Variants in BLOC1S5 observed in about 807,000 individuals in gnomAD.
The protein encoded by BLOC1S5 is biogenesis of lysosomal organelles complex 1 subunit 5.
A neutral mutation model predicts 24.3 loss-of-function variants in BLOC1S5; 27 were observed. That is an observed-to-expected ratio of 1.11 (90% confidence interval 0.82 to 1.53). The LOEUF (loss-of-function observed/expected upper bound fraction) is 1.53, where lower values mean the gene tolerates loss of function less well. BLOC1S5 is among the 40% of genes most tolerant of loss of function. The probability of loss-of-function intolerance (pLI) is 0.00; values close to 1 mark genes in which losing one functional copy is unlikely to be tolerated. For synonymous variants in BLOC1S5, 84 were observed against 74.5 expected (o/e 1.13, Z -0.66); for missense variants, 239 against 229.4 (o/e 1.04, Z -0.27).
chr6:8,026,058 A>G (rs951055317), intron 4 of BLOC1S5, among the ~76,000 whole-genome samples: 2 of 152,206 alleles, frequency 1.3e-5, no homozygotes, highest in African/African-American at 4.8e-5. Context: ...GGAAAGATTT[A>G]TATCTCCAAT....
At chr6:8,036,426 G>C (rs917238599) in intron 3 of BLOC1S5, among the ~76,000 whole-genome samples, 12 of 152,084 alleles carry the variant, frequency 7.9e-5, no homozygotes, top group Admixed American at 2.0e-4. Context: ...GGAAAACCTA[G>C]AAGAAATAAA....
chr6:8,062,017 T>G (rs759815202), intron 2 of BLOC1S5, among the ~76,000 whole-genome samples: 1 of 152,218 alleles, frequency 6.6e-6, no homozygotes, highest in Non-Finnish European at 1.5e-5. Context: ...AAACTGGATT[T>G]GACTTCGTTG....
chr6:8,042,958 G>A (rs192549294), intron 2 of BLOC1S5, among the ~76,000 whole-genome samples: 7 of 152,314 alleles, frequency 4.6e-5, no homozygotes, highest in Admixed American at 1.3e-4. Context: ...CATCCTGTGT[G>A]ACTCCACTGG....
intron 4 of BLOC1S5, among the ~76,000 whole-genome samples, chr6:8,020,229 AC>A (rs1403646644): frequency 2.8e-4 from 42 of 152,312 alleles, no homozygotes; most frequent in Admixed American, 2.6e-4. Context: ...AGACATGGAG[AC>A]CTACAACATC....
chr6:8,064,121 C>A, intron 1 of BLOC1S5, 144 bp downstream of exon 1: 1 of 599,464 alleles, frequency 1.7e-6, no homozygotes, highest in Non-Finnish European at 2.8e-6. Flanking sequence ...GGGAAAAAGG[C>A]GGGGACCGAC....
At chr6:8,016,507 A>T (rs545561488) in intron 4 of BLOC1S5, among the ~76,000 whole-genome samples, 10 of 152,320 alleles carry the variant, frequency 6.6e-5, no homozygotes, top group African/African-American at 2.4e-4. Flanking sequence ...AAAATGTCTT[A>T]CATAAAATAT....
intron 3 of BLOC1S5, among the ~76,000 whole-genome samples, chr6:8,029,597 C>T (rs1240199533): frequency 6.6e-6 from 1 of 152,208 alleles, no homozygotes; most frequent in African/African-American, 2.4e-5. Flanking sequence ...TGCTCTGTAA[C>T]TCAGCCAAAG....
chr6:8,031,437 A>G (rs941308000), intron 3 of BLOC1S5, among the ~76,000 whole-genome samples: 1 of 152,226 alleles, frequency 6.6e-6, no homozygotes. Flanking sequence ...GACCTCTACA[A>G]GGAAAACTAC....
intron 4 of BLOC1S5, among the ~76,000 whole-genome samples, chr6:8,021,216 A>G (rs1018552251): frequency 2.0e-5 from 3 of 152,220 alleles, no homozygotes; most frequent in Admixed American, 1.3e-4. Flanking sequence ...ATAGAGCTGG[A>G]AAGTAGAATG....
chr6:8,034,132 T>G (rs1264143808), intron 3 of BLOC1S5, among the ~76,000 whole-genome samples: 1 of 152,246 alleles, frequency 6.6e-6, no homozygotes, highest in Non-Finnish European at 1.5e-5. Context: ...TTACTGGGTA[T>G]GTACCCAAAG....
rs377711585 is a variant in BLOC1S5, at chr6:8,062,542, C to G, written c.187G>C (p.Glu63Gln). Reference protein sequence around the residue: ...IQGETRYFVKEFEEKRGLREM... With the variant: ...IQGETRYFVKQFEEKRGLREM... ...TAAGTTTAAATACTCACTTCAAATTCTTTTACAAAATAACGAGTTTCACCT... is the reference window on the plus strand; with the variant it reads ...TAAGTTTAAATACTCACTTCAAATTGTTTTACAAAATAACGAGTTTCACCT... Residue 63 changes from glutamate (E) to glutamine (Q), a missense_variant, in exon 2 of 5, where the codon GAA becomes CAA. Physicochemically the swap from Glu to Gln is conservative, Grantham distance 29 (BLOSUM62 2). Coordinates refer to ENST00000397457, the MANE Select transcript of BLOC1S5 (RefSeq NM_201280.3). The G allele has an allele frequency of 2.7e-5, 42 of 1,580,248 alleles. No individual in the cohort carries two copies. In the African/African-American group the frequency reaches 5.0e-4, roughly 19 times the overall value.
At chr6:8,038,620 G>A (rs886536435) in intron 3 of BLOC1S5, among the ~76,000 whole-genome samples, 17 of 152,114 alleles carry the variant, frequency 1.1e-4, no homozygotes, top group Admixed American at 6.6e-4. Context: ...GAGTAGCTGG[G>A]ACTACAGGCA....
intron 2 of BLOC1S5, among the ~76,000 whole-genome samples, chr6:8,042,905 C>G (rs529809652): frequency 6.6e-6 from 1 of 152,356 alleles, no homozygotes; most frequent in East Asian, 1.9e-4. Flanking sequence ...TAAGATTACA[C>G]TTTACATGTG....
chr6:8,038,740 T>C (rs1276277862), intron 3 of BLOC1S5, among the ~76,000 whole-genome samples: 4 of 152,208 alleles, frequency 2.6e-5, no homozygotes, highest in African/African-American at 9.6e-5. Flanking sequence ...CGCCTCGGCC[T>C]CCCAAAGTGC....
At position 8,015,740 on chromosome 6, in the gene BLOC1S5, T is replaced by A. The variant is rs1448359208; in HGVS notation, c.473A>T (p.Glu158Val). 9 of 1,614,094 alleles carry A rather than the reference T, an allele frequency of 5.6e-6. No individual in the cohort carries two copies. Among genetic ancestry groups the A allele is most frequent in the Non-Finnish European group, 7.6e-6 (9 of 1,180,038 alleles). Residue 158 changes from glutamate to valine, a missense_variant, in exon 5 of 5, where the codon GAA becomes GTA. Coordinates refer to ENST00000397457, the MANE Select transcript of BLOC1S5 (RefSeq NM_201280.3). ...GGCTTTTCTGTGCTCTTCATCCACT[T>A]CAGCCCTTTTGTTGGGTTGCTCCTT... is the stretch of plus-strand genomic sequence containing the variant. ...FMKEQPNKRA[E>V]VDEEHRKAME...
intron 2 of BLOC1S5, among the ~76,000 whole-genome samples, chr6:8,048,799 G>T (rs966482731): frequency 1.3e-5 from 2 of 151,796 alleles, no homozygotes; most frequent in African/African-American, 4.8e-5. Context: ...GATCACCTGA[G>T]GTCAGGAGTT....
At chr6:8,046,072 G>A (rs7745801) in intron 2 of BLOC1S5, among the ~76,000 whole-genome samples, 23,788 of 152,116 alleles carry the variant, frequency 0.16, 1,933 homozygotes, top group Admixed American at 0.19. Flanking sequence ...GTATCTCCCA[G>A]AACTCCCACG....
At chr6:8,058,214 T>C (rs1764381655) in intron 2 of BLOC1S5, among the ~76,000 whole-genome samples, 1 of 152,042 alleles carries the variant, frequency 6.6e-6, no homozygotes, top group Non-Finnish European at 1.5e-5. Context: ...ATGTAATGGC[T>C]GGAGGTCCAA....
rs574223703 is a variant in BLOC1S5, at chr6:8,033,420, G to C, written c.326-6995C>G. Among the ~76,000 whole-genome samples, 5 of 152,296 alleles carry C rather than the reference G, an allele frequency of 3.3e-5. No individual in the cohort carries two copies. The East Asian group carries it at 9.7e-4, about 29-fold the overall frequency. On this transcript the variant is annotated intron_variant, in intron 3 of 4. Coordinates refer to ENST00000397457, the MANE Select transcript of BLOC1S5 (RefSeq NM_201280.3). Reference sequence around the variant, plus strand: ...TAAATGGTGCTGGGAAAACTGGCTAGCCATATGTAGGAAGCTGAAACTGGA... The same window carrying C: ...TAAATGGTGCTGGGAAAACTGGCTACCCATATGTAGGAAGCTGAAACTGGA...
Sources: allele counts gnomAD v4.1 joint callset (sites outside exome capture counted in the v4.1 genomes callset), GRCh38; gene constraint gnomAD v4.1.1; transcripts MANE v1.5; gene names NCBI Gene and HGNC (gene_info 2026-07-23, HGNC 2026-07-21).